Variants in COL5A2 observed in about 807,000 individuals in gnomAD.
COL5A2 encodes collagen type V alpha 2 chain, also known as collagen alpha-2(V) chain.
A neutral mutation model predicts 208.2 loss-of-function variants in COL5A2; 23 were observed. The ratio of observed to expected loss-of-function variants is 0.11; its 90% CI spans 0.08 to 0.16. The LOEUF is 0.16. COL5A2 is among the 10% of genes least tolerant of loss of function. The probability of loss-of-function intolerance (pLI) is 1.00; values close to 1 mark genes in which losing one functional copy is unlikely to be tolerated. For missense variants in COL5A2, 1,590 were observed against 1,956.4 expected (o/e 0.81, Z 3.53); for synonymous variants, 625 against 628.5 (o/e 0.99, Z 0.08).
chr2:189,122,956 G>A (rs1687536102), intron 1 of COL5A2, among the ~76,000 whole-genome samples: 1 of 116,040 alleles, frequency 8.6e-6, no homozygotes, highest in Non-Finnish European at 1.9e-5. Flanking sequence ...GTTTGGGTGG[G>A]ATAAAGTATT....
chr2:189,189,672 G>A (rs965636552), intron 1 of COL5A2, among the ~76,000 whole-genome samples: 6 of 110,346 alleles, frequency 5.4e-5, no homozygotes, highest in Admixed American at 4.1e-4. Context: ...AGGAAAATAT[G>A]TATGTGTGCA....
At chr2:189,410,077 G>A in the COL5A2 span, among the ~76,000 whole-genome samples, 6 of 151,940 alleles carry the variant, frequency 3.9e-5, no homozygotes, top group African/African-American at 1.4e-4. Flanking sequence ...ATTTTTATAA[G>A]ATAAGTTATG....
the COL5A2 span, among the ~76,000 whole-genome samples, chr2:189,345,851 A>C: frequency 6.6e-6 from 1 of 152,308 alleles, no homozygotes; most frequent in South Asian, 2.1e-4. Context: ...GACAGATCTA[A>C]GACAGTCAAA....
chr2:189,220,780 G>A (rs181884017), intron 1 of COL5A2, among the ~76,000 whole-genome samples: 4 of 152,282 alleles, frequency 2.6e-5, no homozygotes, highest in African/African-American at 9.6e-5. Context: ...CATTTCTGAT[G>A]TACTGTGGTC....
upstream of COL5A2, among the ~76,000 whole-genome samples, chr2:189,229,326 G>A (rs1242426828): frequency 2.0e-5 from 3 of 150,908 alleles, no homozygotes; most frequent in African/African-American, 7.3e-5. Context: ...GCAAGAAAAA[G>A]AAATAAAAGG....
At chr2:189,377,722 C>T in the COL5A2 span, among the ~76,000 whole-genome samples, 5,518 of 152,268 alleles carry the variant, frequency 0.036, 116 homozygotes, top group Admixed American at 0.05. Context: ...AATCCCTCCA[C>T]TTTCTCCTCC....
chr2:189,302,025 C>G, the COL5A2 span, among the ~76,000 whole-genome samples: 6 of 152,222 alleles, frequency 3.9e-5, no homozygotes, highest in African/African-American at 1.2e-4. Flanking sequence ...TTTGAATAAA[C>G]TTTTCTACGA....
intron 42 of COL5A2, 115 bp downstream of exon 42, chr2:189,051,205 T>G (rs1685779339): frequency 7.5e-7 from 1 of 1,340,400 alleles, no homozygotes; most frequent in South Asian, 1.3e-5. Context: ...ACTTTAAAAA[T>G]TTTAGGAATG....
chr2:189,125,467 T>C (rs1325172728), intron 1 of COL5A2, among the ~76,000 whole-genome samples: 2 of 152,112 alleles, frequency 1.3e-5, no homozygotes, highest in African/African-American at 4.8e-5. Context: ...GGTCCACTTA[T>C]AAGGGGATTT....
chr2:189,075,201 A>C (rs1472928443), intron 17 of COL5A2, among the ~76,000 whole-genome samples, 192 bp downstream of exon 17: 1 of 152,192 alleles, frequency 6.6e-6, no homozygotes, highest in East Asian at 1.9e-4. Flanking sequence ...TGGAGTTAAC[A>C]ATTATGTTAT....
At chr2:189,145,300 T>C (rs559702062) in intron 1 of COL5A2, among the ~76,000 whole-genome samples, 31 of 152,252 alleles carry the variant, frequency 2.0e-4, no homozygotes, top group African/African-American at 7.5e-4. Flanking sequence ...TTAAGAATGA[T>C]ACATTTCTTG....
At chr2:189,334,782 A>G in the COL5A2 span, among the ~76,000 whole-genome samples, 1 of 152,068 alleles carries the variant, frequency 6.6e-6, no homozygotes, top group Non-Finnish European at 1.5e-5. Context: ...GCAATGTTAA[A>G]AGAGAACAAA....
At chr2:189,113,115 G>A (rs1687315297) in intron 1 of COL5A2, among the ~76,000 whole-genome samples, 1 of 152,144 alleles carries the variant, frequency 6.6e-6, no homozygotes, top group Non-Finnish European at 1.5e-5. Context: ...TATGTGCCTA[G>A]TACTAATTGT....
the COL5A2 span, among the ~76,000 whole-genome samples, chr2:189,400,112 GTTTT>G: frequency 6.6e-6 from 1 of 151,938 alleles, no homozygotes; most frequent in Non-Finnish European, 1.5e-5. Context: ...GATTGGTTTG[GTTTT>G]TTGCTATGGG....
the COL5A2 span, among the ~76,000 whole-genome samples, chr2:189,364,227 C>T: frequency 1.3e-5 from 2 of 152,182 alleles, no homozygotes; most frequent in African/African-American, 4.8e-5. Flanking sequence ...TCTGTAGCTG[C>T]ACTACTAAGA....
chr2:189,191,177 CAACAA>C (rs1688922156), intron 1 of COL5A2, among the ~76,000 whole-genome samples: 2 of 68,438 alleles, frequency 2.9e-5, no homozygotes, highest in Non-Finnish European at 4.1e-5. Context: ...CAACAAAAAA[CAACAA>C]CAAAAAAAAC....
At chr2:189,313,983 A>G in the COL5A2 span, among the ~76,000 whole-genome samples, 1 of 152,206 alleles carries the variant, frequency 6.6e-6, no homozygotes, top group African/African-American at 2.4e-5. Flanking sequence ...AGACTCCCAC[A>G]AAATAATAGT....
rs149574060 is a variant in COL5A2 at position 189,045,887 on chromosome 2, C to T, written c.3222G>A (p.Gly1074=). 52 of 1,614,108 alleles carry T rather than the reference C, an allele frequency of 3.2e-5. No individual in the cohort carries two copies. The highest frequency in any genetic ancestry group is 6.7e-5 in the East Asian group (3 of 44,872). Reference sequence around the variant, plus strand: ...CCTGAGAGCCTGGCAGACCTGCAGGCCCAGGGTCTCCACGATCACCCTAAC... The same window carrying T: ...CCTGAGAGCCTGGCAGACCTGCAGGTCCAGGGTCTCCACGATCACCCTAAC... ...VGERGDRGDP[G]PAGLPGSQGA... The change falls in exon 46 of 54, where the codon GGG becomes GGA. Residue 1074 remains glycine, a synonymous_variant. Transcript: ENST00000374866.
intron 30 of COL5A2, among the ~76,000 whole-genome samples, chr2:189,061,032 T>C (rs1191987309): frequency 1.3e-5 from 2 of 152,134 alleles, no homozygotes; most frequent in African/African-American, 2.4e-5. Flanking sequence ...AAAAAAGAGA[T>C]AATGTAACAG....
Sources: gnomAD v4.1 joint callset for allele counts (sites outside exome capture counted in the v4.1 genomes callset) on GRCh38, gnomAD v4.1.1 for gene constraint, MANE v1.5 for transcripts, NCBI Gene and HGNC (gene_info 2026-07-23, HGNC 2026-07-21) for gene names.